Variants in GPR39 observed in about 807,000 individuals in gnomAD.
GPR39 encodes the protein zinc sensing receptor.
In GPR39, 23 loss-of-function variants were observed where a neutral mutation model predicts 18.4. The ratio of observed to expected loss-of-function variants is 1.25; its 90% CI spans 0.90 to 1.77. The LOEUF (loss-of-function observed/expected upper bound fraction) is 1.77. GPR39 is among the 40% of genes most tolerant of loss of function. The pLI is 0.00. For synonymous variants in GPR39, 280 were observed against 257.9 expected (o/e 1.09, Z -0.82); for missense variants, 647 against 602.4 (o/e 1.07, Z -0.78).
intron 1 of GPR39, among the ~76,000 whole-genome samples, chr2:132,490,941 CA>C (rs1207094430): frequency 6.6e-6 from 1 of 152,148 alleles, no homozygotes; most frequent in Non-Finnish European, 1.5e-5. Flanking sequence ...CTGTGGAGGG[CA>C]AAGGCCACAA....
At chr2:132,497,540 A>G (rs183580237) in intron 1 of GPR39, among the ~76,000 whole-genome samples, 240 of 152,334 alleles carry the variant, frequency 1.6e-3, no homozygotes, top group African/African-American at 5.6e-3. Context: ...TCTCTTGCCC[A>G]TATATCACCA....
intron 1 of GPR39, among the ~76,000 whole-genome samples, chr2:132,582,066 A>T (rs1680632631): frequency 6.6e-6 from 1 of 152,164 alleles, no homozygotes; most frequent in Admixed American, 6.5e-5. Context: ...GGGGGTGATT[A>T]AGTGACAGGT....
At chr2:132,607,287 A>G (rs760951679) in intron 1 of GPR39, among the ~76,000 whole-genome samples, 91 of 152,254 alleles carry the variant, frequency 6.0e-4, no homozygotes, top group Non-Finnish European at 1.0e-3. Flanking sequence ...AAGTTTCTAC[A>G]TTTGTTCATT....
chr2:132,645,526 C>CTCGAG lies in GPR39; in HGVS notation c.1285_1289dup (p.Leu431SerfsTer3), dbSNP rs780653395. On this transcript the variant is annotated frameshift_variant, in exon 2 of 2. Coordinates refer to ENST00000329321, the MANE Select transcript of GPR39 (RefSeq NM_001508.3). LOFTEE classifies it low-confidence loss of function (END_TRUNC). Reference sequence around the variant, plus strand: ...CCAGTCTAAGTCCCAGTCATTGAGTCTCGAGTCACTAGAGCCCAACTCAGG... The same window carrying CTCGAG: ...CCAGTCTAAGTCCCAGTCATTGAGTCTCGAGTCGAGTCACTAGAGCCCAACTCAGG... 3 of 1,614,080 alleles carry CTCGAG rather than the reference C, an allele frequency of 1.9e-6. No homozygotes were observed. The highest frequency in any genetic ancestry group is 1.3e-5 in the African/African-American group (1 of 74,934).
At chr2:132,547,777 T>C (rs1233974822) in intron 1 of GPR39, among the ~76,000 whole-genome samples, 3 of 152,148 alleles carry the variant, frequency 2.0e-5, no homozygotes, top group Admixed American at 1.3e-4. Flanking sequence ...GCTCCAAAAA[T>C]ATAAATAAAG....
chr2:132,554,298 A>G, intron 1 of GPR39, among the ~76,000 whole-genome samples: 1 of 152,218 alleles, frequency 6.6e-6, no homozygotes, highest in Non-Finnish European at 1.5e-5. Flanking sequence ...AGCTGATAGC[A>G]AAGGCTTTTC....
At chr2:132,458,621 C>A (rs182568454) in intron 1 of GPR39, among the ~76,000 whole-genome samples, 2 of 152,006 alleles carry the variant, frequency 1.3e-5, no homozygotes, top group Non-Finnish European at 2.9e-5. Flanking sequence ...TATTTCTTTG[C>A]TTATTTTTCC....
intron 1 of GPR39, among the ~76,000 whole-genome samples, chr2:132,576,618 A>C (rs1680531392): frequency 6.6e-6 from 1 of 152,222 alleles, no homozygotes; most frequent in Non-Finnish European, 1.5e-5. Context: ...GCACCACTGC[A>C]CTTCAGCCTG....
At chr2:132,626,517 T>G (rs1681548096) in intron 1 of GPR39, among the ~76,000 whole-genome samples, 1 of 152,212 alleles carries the variant, frequency 6.6e-6, no homozygotes, top group South Asian at 2.1e-4. Flanking sequence ...TTTTTTCTTT[T>G]TTTAAACAAG....
At chr2:132,499,908 C>A (rs986864691) in intron 1 of GPR39, among the ~76,000 whole-genome samples, 4 of 152,122 alleles carry the variant, frequency 2.6e-5, no homozygotes, top group African/African-American at 9.7e-5. Flanking sequence ...TACAGCAGAG[C>A]TACTGATTTG....
rs949594258 is a variant in GPR39, at chr2:132,606,946, CTT to C, written c.857-38152_857-38151del. On this transcript the variant is annotated intron_variant, in intron 1 of 1. Transcript: ENST00000329321. The stretch of plus-strand genomic sequence containing the variant: ...TCCAAAAGCAGAGGACCCTGCCACT[CTT>C]TTCCAAAGGCAGTGGTTTGCCACCT... Among the ~76,000 whole-genome samples the C allele has an allele frequency of 1.4e-4, 21 of 152,322 alleles. 1 individual carries two copies. Among genetic ancestry groups the C allele is most frequent in the African/African-American group, 4.8e-4 (20 of 41,570 alleles).
At chr2:132,505,416 T>C (rs1238124397) in intron 1 of GPR39, among the ~76,000 whole-genome samples, 1 of 152,184 alleles carries the variant, frequency 6.6e-6, no homozygotes, top group Non-Finnish European at 1.5e-5. Flanking sequence ...TCAAATTCTC[T>C]CTTCTAGCTA....
intron 1 of GPR39, among the ~76,000 whole-genome samples, chr2:132,613,337 AT>A (rs1681268216): frequency 6.6e-6 from 1 of 152,198 alleles, no homozygotes; most frequent in Non-Finnish European, 1.5e-5. Context: ...ATTGGGCATG[AT>A]TTTTTATGTG....
chr2:132,562,772 A>C (rs1680277630), intron 1 of GPR39, among the ~76,000 whole-genome samples: 1 of 152,168 alleles, frequency 6.6e-6, no homozygotes, highest in African/African-American at 2.4e-5. Flanking sequence ...CATGTAGCAC[A>C]CCTGCATGAA....
rs1473252034 is a variant in GPR39, at chr2:132,447,574, CAT to C, written c.856+29677_856+29678del. 9.2e-5 allele frequency among the ~76,000 whole-genome samples: 14 copies of C among 152,274 alleles called. No homozygotes were observed. In the East Asian group the frequency reaches 2.7e-3, roughly 29 times the overall value. Reference sequence around the variant, plus strand: ...ATAACTATTATAACAATTAACTGAACATGTGTATTGGGTGCCTGCTCAGACTG... The same window carrying C: ...ATAACTATTATAACAATTAACTGAACGTGTATTGGGTGCCTGCTCAGACTG... On this transcript the variant is annotated intron_variant, in intron 1 of 1. Transcript: ENST00000329321.
chr2:132,628,186 C>A, intron 1 of GPR39, among the ~76,000 whole-genome samples: 1 of 152,222 alleles, frequency 6.6e-6, no homozygotes, highest in East Asian at 1.9e-4. Flanking sequence ...TCCAGAATTT[C>A]TGGAGCCTAA....
chr2:132,609,506 C>T (rs1179642080), intron 1 of GPR39, among the ~76,000 whole-genome samples: 2 of 152,066 alleles, frequency 1.3e-5, no homozygotes, highest in Admixed American at 1.3e-4. Context: ...GAGTTGAACT[C>T]CTAAGTCAGT....
At chr2:132,628,700 C>A (rs1681596136) in intron 1 of GPR39, among the ~76,000 whole-genome samples, 2 of 152,130 alleles carry the variant, frequency 1.3e-5, no homozygotes, top group Non-Finnish European at 2.9e-5. Context: ...AGTACCCTTA[C>A]CCTAATATAA....
intron 1 of GPR39, among the ~76,000 whole-genome samples, chr2:132,634,502 G>A (rs1240230297): frequency 2.0e-5 from 3 of 152,156 alleles, no homozygotes; most frequent in Non-Finnish European, 4.4e-5. Flanking sequence ...TTCATGTTTT[G>A]TCCTTCCCAA....
Sources: gnomAD v4.1 joint callset for allele counts (sites outside exome capture counted in the v4.1 genomes callset) on GRCh38, gnomAD v4.1.1 for gene constraint, MANE v1.5 for transcripts, NCBI Gene and HGNC (gene_info 2026-07-23, HGNC 2026-07-21) for gene names.